ZDHHC15: variants seen among roughly 807,000 people sequenced by gnomAD.
The protein encoded by ZDHHC15 is zDHHC palmitoyltransferase 15.
Under a neutral mutation model 31.7 loss-of-function variants are expected in ZDHHC15, and 19 were observed. The ratio of observed to expected loss-of-function variants is 0.60; its 90% CI spans 0.42 to 0.88. ZDHHC15 has a LOEUF of 0.88. Among genes scored for constraint, ZDHHC15 ranks in the 40% least tolerant of loss-of-function variants. The pLI is 0.00. For synonymous variants in ZDHHC15, 103 were observed against 90.0 expected, an observed-to-expected ratio of 1.14 and a Z score of -0.82; for missense variants, 209 against 251.2, an observed-to-expected ratio of 0.83 and a Z score of 1.14.
chrX:75,408,158 A>G (rs1476054599), intron 10 of ZDHHC15, among the ~76,000 whole-genome samples: 1 of 109,767 alleles, frequency 9.1e-6, no homozygotes, highest in Non-Finnish European at 1.9e-5. Flanking sequence ...CTATTGTCCT[A>G]TGACCCTGCC....
chrX:75,516,450 C>T (rs1380081387), intron 1 of ZDHHC15, among the ~76,000 whole-genome samples: 2 of 112,195 alleles, frequency 1.8e-5, no homozygotes, highest in African/African-American at 3.2e-5. Flanking sequence ...TAACCATCTG[C>T]TCTTTGTCAA....
chrX:75,387,728 G>A (rs781021089), intron 10 of ZDHHC15, among the ~76,000 whole-genome samples: 2 of 111,828 alleles, frequency 1.8e-5, no homozygotes, highest in Admixed American at 9.4e-5. Flanking sequence ...AGAGCAAGGG[G>A]ATCGAAAGCA....
chrX:75,488,006 C>T (rs1397650625), intron 2 of ZDHHC15, among the ~76,000 whole-genome samples: 4 of 111,863 alleles, frequency 3.6e-5, no homozygotes, highest in African/African-American at 1.3e-4. Flanking sequence ...ATGAACAAAG[C>T]CTTCAAAGAT....
At chrX:75,506,750 C>A (rs766954761) in intron 1 of ZDHHC15, among the ~76,000 whole-genome samples, 3 of 112,383 alleles carry the variant, frequency 2.7e-5, no homozygotes, top group African/African-American at 9.7e-5. Flanking sequence ...TGCATTGGTT[C>A]CACTAGGCCC....
chrX:75,505,188 G>A (rs754411137), intron 2 of ZDHHC15, among the ~76,000 whole-genome samples: 4 of 111,296 alleles, frequency 3.6e-5, no homozygotes, highest in Admixed American at 9.7e-5. Context: ...GTAGGTTAAC[G>A]AATTATAACA....
At chrX:75,376,578 A>T in intron 11 of ZDHHC15, among the ~76,000 whole-genome samples, 1 of 111,366 alleles carries the variant, frequency 9.0e-6, no homozygotes, top group Non-Finnish European at 1.9e-5. Flanking sequence ...TAATGTTTGC[A>T]TATGGAGAAA....
intron 3 of ZDHHC15, 25 bp from the exon 4 acceptor site, chrX:75,450,947 A>G (rs1351214073): frequency 7.0e-5 from 83 of 1,190,793 alleles, no homozygotes; most frequent in Non-Finnish European, 9.3e-5. Flanking sequence ...GAAAGGTAAG[A>G]CTTTATTATC....
intron 10 of ZDHHC15, among the ~76,000 whole-genome samples, chrX:75,413,537 T>C (rs191210453): frequency 3.6e-5 from 4 of 110,541 alleles, no homozygotes; most frequent in African/African-American, 6.6e-5. Context: ...TGGTGGCGCA[T>C]GCCTATAGTC....
intron 10 of ZDHHC15, among the ~76,000 whole-genome samples, chrX:75,391,965 TG>T (rs1441203585): frequency 8.9e-6 from 1 of 111,944 alleles, no homozygotes; most frequent in Non-Finnish European, 1.9e-5. Context: ...AGCATGAGGA[TG>T]AAGTTCATTT....
intron 2 of ZDHHC15, among the ~76,000 whole-genome samples, chrX:75,499,000 T>C (rs2085050955): frequency 9.0e-6 from 1 of 111,485 alleles, no homozygotes. Context: ...AGCCAACTGA[T>C]CTTTGAGGAA....
At chrX:75,457,037 A>G (rs2084235156) in intron 3 of ZDHHC15, among the ~76,000 whole-genome samples, 1 of 112,131 alleles carries the variant, frequency 8.9e-6, no homozygotes, top group Non-Finnish European at 1.9e-5. Flanking sequence ...CAGTGTAAGT[A>G]CTCAACAAAT....
intron 11 of ZDHHC15, among the ~76,000 whole-genome samples, 187 bp downstream of exon 11, chrX:75,378,933 C>CT (rs750984275): frequency 3.6e-5 from 4 of 110,923 alleles, no homozygotes; most frequent in African/African-American, 1.3e-4. Flanking sequence ...ATAAGGGCAT[C>CT]TTTTTTTTCA....
intron 2 of ZDHHC15, among the ~76,000 whole-genome samples, chrX:75,504,160 A>G (rs2085125113): frequency 9.0e-6 from 1 of 111,357 alleles, no homozygotes; most frequent in African/African-American, 3.3e-5. Context: ...TTTTAGGGAG[A>G]CACTCTACAA....
In ZDHHC15 at chrX:75,457,386, G is replaced by C. The variant is rs144318843; in HGVS notation, c.259-6464C>G. 2.7e-3 allele frequency among the ~76,000 whole-genome samples: 293 copies of C among 110,238 alleles called. 1 individual carries two copies. The highest frequency in any genetic ancestry group is 9.2e-3 in the African/African-American group (280 of 30,344). On this transcript the variant is annotated intron_variant, in intron 3 of 11. Coordinates refer to ENST00000373367, the MANE Select transcript of ZDHHC15 (RefSeq NM_144969.3). ...TTTGTAGAAATTCTTTATATATTTTGGATACTAGTCTTTGGTTGAATATTT... is the reference window on the plus strand; with the variant it reads ...TTTGTAGAAATTCTTTATATATTTTCGATACTAGTCTTTGGTTGAATATTT...
At chrX:75,505,703 C>T in intron 2 of ZDHHC15, 118 bp downstream of exon 2, 2 of 835,072 alleles carry the variant, frequency 2.4e-6, no homozygotes, top group Middle Eastern at 6.5e-4. Flanking sequence ...TCTAAACTTT[C>T]TCCTCACCCA....
intron 10 of ZDHHC15, among the ~76,000 whole-genome samples, chrX:75,413,943 C>T (rs1054401871): frequency 3.2e-4 from 35 of 111,107 alleles, no homozygotes; most frequent in Non-Finnish European, 6.2e-4. Context: ...ATACTCATGA[C>T]AGGTAGAGCC....
In ZDHHC15 at chrX:75,379,108, C is replaced by G; in HGVS notation, c.*32+12G>C. On this transcript the variant is annotated intron_variant, in intron 11 of 11. Coordinates refer to ENST00000373367, the MANE Select transcript of ZDHHC15 (RefSeq NM_144969.3). The stretch of plus-strand genomic sequence containing the variant: ...CAGGTGCCACTGTATGTGTCTCCCT[C>G]AGAATACTGACCTGTCTGAGAGATG... The G allele has an allele frequency of 8.3e-7, 1 of 1,201,782 alleles. No individual in the cohort carries two copies. The highest frequency in any genetic ancestry group is 1.8e-5 in the South Asian group (1 of 56,536).
intron 2 of ZDHHC15, among the ~76,000 whole-genome samples, chrX:75,499,329 A>G (rs1364660529): frequency 8.9e-6 from 1 of 112,143 alleles, no homozygotes; most frequent in East Asian, 2.8e-4. Context: ...TATTCAGCAA[A>G]GTAAACAGAA....
At chrX:75,459,144 G>A (rs781460105) in intron 3 of ZDHHC15, among the ~76,000 whole-genome samples, 7 of 110,011 alleles carry the variant, frequency 6.4e-5, no homozygotes, top group African/African-American at 1.7e-4. Flanking sequence ...CCTTGGGTCC[G>A]ATACACAAAG....
Sources: allele counts gnomAD v4.1 joint callset (sites outside exome capture counted in the v4.1 genomes callset), GRCh38; gene constraint gnomAD v4.1.1; transcripts MANE v1.5; gene names NCBI Gene and HGNC (gene_info 2026-07-23, HGNC 2026-07-21).